Variants in DPY19L3 observed in about 807,000 individuals in gnomAD.
DPY19L3 encodes the protein protein C-mannosyl-transferase DPY19L3.
A neutral mutation model predicts 92.3 loss-of-function variants in DPY19L3; 51 were observed. The ratio of observed to expected loss-of-function variants is 0.55; its 90% confidence interval spans 0.44 to 0.70. The LOEUF (loss-of-function observed/expected upper bound fraction) is 0.70. DPY19L3 is among the 30% of genes least tolerant of loss of function. The probability of loss-of-function intolerance (pLI) is 0.00; values close to 1 mark genes in which losing one functional copy is unlikely to be tolerated. For missense variants in DPY19L3, 706 were observed against 855.9 expected, an observed-to-expected ratio of 0.82 and a Z score of 2.18; for synonymous variants, 309 against 315.2, an observed-to-expected ratio of 0.98 and a Z score of 0.21.
At chr19:32,474,958 A>G (rs1035588173) in intron 16 of DPY19L3, among the ~76,000 whole-genome samples, 1 of 152,146 alleles carries the variant, frequency 6.6e-6, no homozygotes, top group South Asian at 2.1e-4. Context: ...ACCCTCAGCA[A>G]TATTTTTTGA....
At chr19:32,435,546 T>C (rs576945334) in intron 4 of DPY19L3, among the ~76,000 whole-genome samples, 108 of 152,220 alleles carry the variant, frequency 7.1e-4, no homozygotes, top group Non-Finnish European at 1.4e-3. Flanking sequence ...AAAATTCCTC[T>C]CCATAGAGAT....
In DPY19L3 at chr19:32,423,184, G is replaced by A. The variant is rs992974137; in HGVS notation, c.238-9532G>A. Among the ~76,000 whole-genome samples the A allele has an allele frequency of 2.6e-5, 4 of 152,128 alleles. No individual in the cohort carries two copies. In the East Asian group the frequency reaches 5.8e-4, roughly 22 times the overall value. On this transcript the variant is annotated intron_variant, in intron 3 of 18. Coordinates refer to ENST00000392250, the MANE Select transcript of DPY19L3 (RefSeq NM_001172774.2). ...AAAAATTAGTGATAGAACAAAATGT[G>A]TATGATATAAATAATGTTATATTAG...
At position 32,436,490 on chromosome 19, in the gene DPY19L3, A is replaced by G; in HGVS notation, c.373A>G (p.Thr125Ala). ...IYDNKTESMK[T>A]INLLQRMNIY... ...TGATAATAAAACTGAATCTATGAAG[A>G]CAATTAACCTCCTTCAGCGAATGAA... The change falls in exon 5 of 19, where the codon ACA (threonine) becomes GCA (alanine). Residue 125 changes from threonine to alanine, a missense_variant. Transcript: ENST00000392250. The G allele has an allele frequency of 6.4e-7, 1 of 1,572,590 alleles. No individual in the cohort carries two copies. The highest frequency in any genetic ancestry group is 8.7e-7 in the Non-Finnish European group (1 of 1,148,718).
Position 32,463,312 on chromosome 19 carries a change from TCTAA to T in DPY19L3, c.1323-49_1323-46del. ...CTTGTATCTTCTTCTTTTACAAAGA[TCTAA>T]CTAAAATTATGTTTCCAGCTTAAAT... On this transcript the variant is annotated intron_variant, in intron 12 of 18. Coordinates refer to ENST00000392250, the MANE Select transcript of DPY19L3 (RefSeq NM_001172774.2). The T allele has an allele frequency of 1.9e-6, 3 of 1,590,948 alleles. 1 individual carries two copies. In the South Asian group the frequency reaches 3.3e-5, roughly 18 times the overall value.
At chr19:32,458,893 G>T (rs748694044) in intron 12 of DPY19L3, among the ~76,000 whole-genome samples, 1 of 152,126 alleles carries the variant, frequency 6.6e-6, no homozygotes, top group Non-Finnish European at 1.5e-5. Context: ...CCTAGACTTC[G>T]GCAGGTACAA....
chr19:32,481,355 C>T (rs11670650), intron 18 of DPY19L3: 58,372 of 152,034 alleles, frequency 0.38, 13,055 homozygotes, highest in Non-Finnish European at 0.52. Context: ...AGAGGTGGTA[C>T]AGACCAGAGA....
rs1968897981 is a variant in DPY19L3, at chr19:32,429,827, T to G, written c.238-2889T>G. 3.9e-5 allele frequency among the ~76,000 whole-genome samples: 6 copies of G among 152,206 alleles called. No homozygotes were observed. In the South Asian group the frequency reaches 1.2e-3, roughly 31 times the overall value. On this transcript the variant is annotated intron_variant, in intron 3 of 18. Transcript: ENST00000392250. ...TGCATGGACAAAAGCTAGTATTTGC[T>G]CAGTTAACATCAATTCATAGCCTCT...
intron 8 of DPY19L3, among the ~76,000 whole-genome samples, chr19:32,447,770 T>TAGATAGACAGAC (rs973410266): frequency 1.4e-5 from 2 of 143,450 alleles, no homozygotes; most frequent in African/African-American, 5.2e-5. Flanking sequence ...GATAGATAGA[T>TAGATAGACAGAC]AGATAGATTA....
intron 2 of DPY19L3, among the ~76,000 whole-genome samples, chr19:32,409,661 G>A (rs1465678183): frequency 6.6e-6 from 1 of 152,248 alleles, no homozygotes; most frequent in Non-Finnish European, 1.5e-5. Flanking sequence ...ACCTCAGGAA[G>A]CTTCCAGTCG....
intron 16 of DPY19L3, among the ~76,000 whole-genome samples, chr19:32,474,887 T>C (rs913946039): frequency 1.3e-5 from 2 of 152,088 alleles, no homozygotes; most frequent in Non-Finnish European, 2.9e-5. Context: ...CCACACCTGG[T>C]CTAAGTAAGC....
chr19:32,479,692 T>C (rs1391895722), intron 17 of DPY19L3: 2 of 369,826 alleles, frequency 5.4e-6, no homozygotes, highest in Non-Finnish European at 1.1e-5. Flanking sequence ...ACAGCCTGTT[T>C]CCATTCCAGC....
At chr19:32,441,494 C>CTTT (rs11326098) in intron 8 of DPY19L3, among the ~76,000 whole-genome samples, 13 of 130,218 alleles carry the variant, frequency 1.0e-4, no homozygotes, top group Non-Finnish European at 1.3e-4. Flanking sequence ...ACATGTGTCT[C>CTTT]TTTTTTTTTT....
chr19:32,409,094 A>G (rs1293650377), intron 2 of DPY19L3, among the ~76,000 whole-genome samples: 2 of 152,248 alleles, frequency 1.3e-5, no homozygotes, highest in East Asian at 3.8e-4. Flanking sequence ...GTAATCTGTA[A>G]TGGGAGGTCA....
chr19:32,416,730 C>T (rs2145416133), intron 3 of DPY19L3, among the ~76,000 whole-genome samples: 1 of 152,360 alleles, frequency 6.6e-6, no homozygotes, highest in South Asian at 2.1e-4. Context: ...CCTCCTGGCA[C>T]ATCACTGTGT....
intron 3 of DPY19L3, among the ~76,000 whole-genome samples, chr19:32,420,668 T>C (rs1409328254): frequency 5.3e-5 from 8 of 152,126 alleles, no homozygotes; most frequent in Admixed American, 4.6e-4. Flanking sequence ...CAGGCTGTTC[T>C]CAAACTCCTG....
chr19:32,414,074 G>A (rs1320548814), intron 3 of DPY19L3, among the ~76,000 whole-genome samples: 1 of 152,022 alleles, frequency 6.6e-6, no homozygotes, highest in African/African-American at 2.4e-5. Flanking sequence ...CTTGAGGTCA[G>A]GAGTTTGAGA....
At chr19:32,481,150 G>A (rs1052462364) in intron 18 of DPY19L3, 1 of 188,368 alleles carries the variant, frequency 5.3e-6, no homozygotes, top group African/African-American at 2.3e-5. Context: ...TCTCAGTAGA[G>A]CAAACAGATT....
chr19:32,406,418 G>A (rs78787409), intron 1 of DPY19L3: 2 of 152,202 alleles, frequency 1.3e-5, no homozygotes, highest in Admixed American at 1.3e-4. Flanking sequence ...GGAGTGCAGT[G>A]GCGTTATCAC....
intron 8 of DPY19L3, among the ~76,000 whole-genome samples, chr19:32,449,951 G>C (rs776731042): frequency 7.9e-5 from 12 of 152,142 alleles, no homozygotes; most frequent in Non-Finnish European, 1.3e-4. Flanking sequence ...TCAAAAGTGT[G>C]CTATTAGGAA....
Sources: gnomAD v4.1 joint callset for allele counts (sites outside exome capture counted in the v4.1 genomes callset) on GRCh38, gnomAD v4.1.1 for gene constraint, MANE v1.5 for transcripts, NCBI Gene and HGNC (gene_info 2026-07-23, HGNC 2026-07-21) for gene names.